Variants in SPOPL observed in about 807,000 individuals in gnomAD.
SPOPL encodes speckle-type POZ protein-like.
A neutral mutation model predicts 53.8 loss-of-function variants in SPOPL; 23 were observed. The ratio of observed to expected loss-of-function variants is 0.43; its 90% CI spans 0.31 to 0.61. The LOEUF (loss-of-function observed/expected upper bound fraction) is 0.61, where lower values mean the gene tolerates loss of function less well. Among genes scored for constraint, SPOPL ranks in the 20% least tolerant of loss-of-function variants. The pLI, the probability that SPOPL is intolerant of heterozygous loss-of-function variation, is 0.12. For missense variants in SPOPL, 442 were observed against 466.9 expected (o/e 0.95, Z 0.49); for synonymous variants, 164 against 149.7 (o/e 1.10, Z -0.70).
At chr2:138,542,268 G>C (rs1685088567) in intron 1 of SPOPL, among the ~76,000 whole-genome samples, 1 of 152,206 alleles carries the variant, frequency 6.6e-6, no homozygotes, top group Non-Finnish European at 1.5e-5. Flanking sequence ...GTGCAGAGCT[G>C]AGTTCAATTC....
intron 1 of SPOPL, among the ~76,000 whole-genome samples, chr2:138,525,491 C>T (rs1684650844): frequency 6.6e-6 from 1 of 151,676 alleles, no homozygotes; most frequent in African/African-American, 2.4e-5. Flanking sequence ...TTATATACTG[C>T]TTTTTTTTCC....
chr2:138,528,430 A>T (rs1392997159), intron 1 of SPOPL, among the ~76,000 whole-genome samples: 1 of 152,194 alleles, frequency 6.6e-6, no homozygotes, highest in South Asian at 2.1e-4. Flanking sequence ...TTGAATTTTT[A>T]AAAATGTCTG....
intron 1 of SPOPL, among the ~76,000 whole-genome samples, chr2:138,538,141 G>C (rs1047063068): frequency 2.0e-5 from 3 of 152,084 alleles, no homozygotes; most frequent in African/African-American, 7.2e-5. Context: ...GGTAGCATAT[G>C]GTCTGTCCTT....
chr2:138,554,557 C>A, intron 5 of SPOPL: 1 of 1,256,060 alleles, frequency 8.0e-7, no homozygotes, highest in Non-Finnish European at 1.0e-6. Context: ...GGGTGCTACC[C>A]TTTTTGCACA....
intron 1 of SPOPL, among the ~76,000 whole-genome samples, chr2:138,548,647 TTTC>T (rs1685248454): frequency 6.6e-6 from 1 of 152,084 alleles, no homozygotes; most frequent in African/African-American, 2.4e-5. Context: ...ATTTGCTTAT[TTTC>T]TTATTTGTAA....
At chr2:138,567,952 T>C (rs1685699035) in intron 10 of SPOPL, among the ~76,000 whole-genome samples, 1 of 152,146 alleles carries the variant, frequency 6.6e-6, no homozygotes, top group Non-Finnish European at 1.5e-5. Flanking sequence ...CAGTTCAATA[T>C]CAGAGTATAA....
chr2:138,538,565 C>T (rs978451644), intron 1 of SPOPL, among the ~76,000 whole-genome samples: 10 of 152,114 alleles, frequency 6.6e-5, no homozygotes, highest in African/African-American at 2.4e-4. Flanking sequence ...TCACTTTCAA[C>T]CTATTTTTGA....
chr2:138,546,045 G>A (rs929510577), intron 1 of SPOPL, among the ~76,000 whole-genome samples: 1 of 152,154 alleles, frequency 6.6e-6, no homozygotes, highest in African/African-American at 2.4e-5. Flanking sequence ...GTGGGTACAT[G>A]ATTGTTTGAC....
intron 1 of SPOPL, among the ~76,000 whole-genome samples, chr2:138,545,959 A>C (rs1685186127): frequency 6.6e-6 from 1 of 152,234 alleles, no homozygotes; most frequent in Non-Finnish European, 1.5e-5. Context: ...TATTGGTATG[A>C]TAATCAACAA....
At chr2:138,511,620 G>A (rs1247007973) in intron 1 of SPOPL, among the ~76,000 whole-genome samples, 2 of 152,142 alleles carry the variant, frequency 1.3e-5, no homozygotes, top group African/African-American at 2.4e-5. Flanking sequence ...TTTATGTACC[G>A]CAGAGAGAGA....
intron 10 of SPOPL, among the ~76,000 whole-genome samples, chr2:138,568,686 G>A (rs1314154115): frequency 6.6e-6 from 1 of 152,126 alleles, no homozygotes; most frequent in Non-Finnish European, 1.5e-5. Flanking sequence ...GTAACAATGA[G>A]AGTTGAACTA....
At position 138,550,277 on chromosome 2, in the gene SPOPL, A is replaced by C. The variant is rs747126808; in HGVS notation, c.61A>C (p.Ser21Arg). 1.2e-6 allele frequency: 2 copies of C among 1,613,658 alleles called. No homozygotes were observed. Among genetic ancestry groups the C allele is most frequent in the Admixed American group, 1.7e-5 (1 of 59,974 alleles). Reference sequence around the variant, plus strand: ...TATGTCTACTGGTCCCATAGCAGAAAGCTGGTGTTACACACAGGTACATGC... The same window carrying C: ...TATGTCTACTGGTCCCATAGCAGAACGCTGGTGTTACACACAGGTACATGC... ...GDMSTGPIAESWCYTQVKVVK... is the reference protein window; with the variant it reads ...GDMSTGPIAERWCYTQVKVVK... The change falls in exon 2 of 11, where the codon AGC becomes CGC. Residue 21 changes from serine to arginine, a missense_variant. Transcript: ENST00000280098.
intron 1 of SPOPL, among the ~76,000 whole-genome samples, chr2:138,509,149 C>T (rs777446315): frequency 2.5e-4 from 38 of 151,986 alleles, no homozygotes; most frequent in Non-Finnish European, 5.4e-4. Flanking sequence ...ATAGGAGATA[C>T]GTATATGTAT....
chr2:138,529,541 T>TGTGC (rs752868881), intron 1 of SPOPL, among the ~76,000 whole-genome samples: 2 of 151,104 alleles, frequency 1.3e-5, no homozygotes, highest in Admixed American at 6.6e-5. Context: ...TGTGTTTGCG[T>TGTGC]GCGCGCGCGC....
rs1405376354 is a variant in SPOPL, at chr2:138,552,607, T to C, written c.406T>C (p.Phe136Leu). Residue 136 changes from phenylalanine (F) to leucine (L), a missense_variant, in exon 5 of 11, where the codon TTC becomes CTC. Phe to Leu is a conservative substitution (Grantham distance 22, BLOSUM62 0). Coordinates refer to ENST00000280098, the MANE Select transcript of SPOPL (RefSeq NM_001001664.3). ...VQGKDWGFKK[F>L]IRRDFLLDEA... ...AGGGAAGGACTGGGGTTTTAAAAAA[T>C]TCATTAGAAGGGACTTTTTGCTTGA... 6.2e-7 allele frequency: 1 copy of C among 1,613,210 alleles called. No homozygotes were observed. Among genetic ancestry groups the C allele is most frequent in the Admixed American group, 1.7e-5 (1 of 59,990 alleles).
intron 5 of SPOPL, chr2:138,554,519 A>ACT: frequency 7.8e-7 from 1 of 1,288,950 alleles, no homozygotes. Context: ...CTCCCCTGCA[A>ACT]GTGGTGCTGT....
In SPOPL at chr2:138,554,066, C is replaced by CTT. The variant is rs70978299; in HGVS notation, c.480+1405_480+1406dup. On this transcript the variant is annotated intron_variant, in intron 5 of 10. Transcript: ENST00000280098. ...AGAAATGAACCTTTTTAGAAAATAC[C>CTT]TTTTTTTTTTTTTTTTTTTTTAGAA... Among the ~76,000 whole-genome samples the CTT allele has an allele frequency of 7.3e-3, 929 of 126,612 alleles. 10 individuals carry two copies. The highest frequency in any genetic ancestry group is 0.019 in the African/African-American group (632 of 33,702). The allele number at this position is 126,612 out of a possible 152,430, so 83.1% of individuals were successfully genotyped here.
rs955467959 is a variant in SPOPL, at chr2:138,570,367, A to G, written c.*1287A>G. ...TGAAATTCTGCATAATGTGAACAGG[A>G]TAAACTATTTATAAACTGCTTTTCA... On this transcript the variant is annotated 3_prime_UTR_variant, in exon 11 of 11. Transcript: ENST00000280098. 6.6e-6 allele frequency: 1 copy of G among 152,236 alleles called. No individual in the cohort carries two copies. The highest frequency in any genetic ancestry group is 1.5e-5 in the Non-Finnish European group (1 of 68,028). The allele number at this position is 152,236 out of a possible 1,614,324, so 9.4% of individuals were successfully genotyped here.
intron 10 of SPOPL, among the ~76,000 whole-genome samples, chr2:138,567,025 G>C (rs1450387007): frequency 2.6e-5 from 4 of 152,172 alleles, no homozygotes; most frequent in Admixed American, 6.5e-5. Context: ...TCATTCATTT[G>C]ACAGATACTT....
Sources: allele counts gnomAD v4.1 joint callset (sites outside exome capture counted in the v4.1 genomes callset), GRCh38; gene constraint gnomAD v4.1.1; transcripts MANE v1.5; gene names NCBI Gene and HGNC (gene_info 2026-07-23, HGNC 2026-07-21).